The following CHIC1 variants were observed in gnomAD, a reference collection of about 807,000 sequenced individuals.
CHIC1 encodes cysteine rich hydrophobic domain 1.
Under a neutral mutation model 18.5 loss-of-function variants are expected in CHIC1, and 7 were observed. The ratio of observed to expected loss-of-function variants is 0.38; its 90% CI spans 0.22 to 0.71. The LOEUF (loss-of-function observed/expected upper bound fraction) is 0.71. Ranked by LOEUF, CHIC1 falls within the 30% of genes least tolerant of loss-of-function variation. The probability of loss-of-function intolerance (pLI) is 0.49; values close to 1 mark genes in which losing one functional copy is unlikely to be tolerated. For synonymous variants in CHIC1, 77 were observed against 73.5 expected (o/e 1.05, Z -0.25); for missense variants, 159 against 176.9 (o/e 0.90, Z 0.57).
intron 3 of CHIC1, among the ~76,000 whole-genome samples, chrX:73,613,266 C>T (rs1417366092): frequency 2.7e-5 from 3 of 111,499 alleles, no homozygotes; most frequent in Admixed American, 9.5e-5. Flanking sequence ...TCCTCCAAAT[C>T]TCATGTTGAA....
chrX:73,644,759 G>T (rs2057879471), intron 3 of CHIC1, among the ~76,000 whole-genome samples: 1 of 111,428 alleles, frequency 9.0e-6, no homozygotes, highest in East Asian at 2.8e-4. Flanking sequence ...GGGTGGGAGT[G>T]ACCCAATTTT....
intron 3 of CHIC1, among the ~76,000 whole-genome samples, chrX:73,673,072 T>C (rs2058040685): frequency 8.9e-6 from 1 of 111,862 alleles, no homozygotes; most frequent in Non-Finnish European, 1.9e-5. Flanking sequence ...ATGTGCGGCA[T>C]TATTTCTGAG....
chrX:73,682,126 G>C lies in CHIC1; in HGVS notation c.*1121G>C, dbSNP rs1414866499. ...CTATTTGAGAAGCTGTAGCTAAAGA[G>C]TATATAGCAGCTGATTCATAATTGA... On this transcript the variant is annotated 3_prime_UTR_variant, in exon 6 of 6. Transcript: ENST00000373502. 9.0e-6 allele frequency: 1 copy of C among 111,340 alleles called. No homozygotes were observed. The highest frequency in any genetic ancestry group is 2.8e-4 in the East Asian group (1 of 3,552). 9.2% of individuals were successfully genotyped at this position (111,340 alleles called of 1,213,427 possible). A position where few individuals can be genotyped will look rare whatever the true frequency, so the allele number is the denominator to read the frequency against.
intron 3 of CHIC1, among the ~76,000 whole-genome samples, chrX:73,603,805 A>C (rs758363094): frequency 6.4e-5 from 7 of 108,798 alleles, no homozygotes; most frequent in African/African-American, 2.5e-4. Flanking sequence ...GATTACATTT[A>C]TTGATTTGTG....
intron 3 of CHIC1, among the ~76,000 whole-genome samples, chrX:73,590,269 T>C (rs2057575152): frequency 9.0e-6 from 1 of 110,984 alleles, no homozygotes; most frequent in Non-Finnish European, 1.9e-5. Context: ...GGAATGTCTT[T>C]ATTTTGTCTT....
chrX:73,671,858 G>A (rs912080645), intron 3 of CHIC1, among the ~76,000 whole-genome samples: 1 of 109,319 alleles, frequency 9.1e-6, no homozygotes, highest in African/African-American at 3.3e-5. Flanking sequence ...CCATGTTGGT[G>A]TGCTGCACCC....
At chrX:73,672,455 A>G (rs1217190201) in intron 3 of CHIC1, among the ~76,000 whole-genome samples, 2 of 111,564 alleles carry the variant, frequency 1.8e-5, no homozygotes, top group Non-Finnish European at 3.8e-5. Flanking sequence ...TTTAATGATC[A>G]CCATTCTAAC....
At chrX:73,566,735 G>A (rs922025170) in intron 1 of CHIC1, among the ~76,000 whole-genome samples, 7 of 111,312 alleles carry the variant, frequency 6.3e-5, no homozygotes, top group African/African-American at 2.3e-4. Context: ...TAATATCACT[G>A]TGACCCTCTT....
chrX:73,649,642 A>G (rs777090108), intron 3 of CHIC1, among the ~76,000 whole-genome samples: 3 of 112,346 alleles, frequency 2.7e-5, no homozygotes, highest in East Asian at 2.8e-4. Flanking sequence ...AGAGCTAACT[A>G]TCCTAAACAT....
intron 1 of CHIC1, among the ~76,000 whole-genome samples, chrX:73,573,740 G>A (rs905028270): frequency 9.0e-6 from 1 of 110,937 alleles, no homozygotes; most frequent in Non-Finnish European, 1.9e-5. Flanking sequence ...AACGTTATTG[G>A]TGTATAGAAA....
intron 3 of CHIC1, among the ~76,000 whole-genome samples, chrX:73,642,376 T>A (rs1055321334): frequency 1.8e-5 from 2 of 111,861 alleles, no homozygotes; most frequent in African/African-American, 6.5e-5. Context: ...GTTTGTTTTT[T>A]TCTTGTAAAT....
chrX:73,610,004 A>G (rs1286102660), intron 3 of CHIC1, among the ~76,000 whole-genome samples: 4 of 108,033 alleles, frequency 3.7e-5, no homozygotes, highest in Admixed American at 9.7e-5. Context: ...CTGCATGTTT[A>G]TACCTATTAA....
intron 3 of CHIC1, among the ~76,000 whole-genome samples, chrX:73,597,606 C>T (rs7891528): frequency 0.05 from 5,177 of 102,944 alleles, 361 homozygotes; most frequent in African/African-American, 0.17. Flanking sequence ...TATATATATA[C>T]ACACACACAC....
intron 3 of CHIC1, among the ~76,000 whole-genome samples, chrX:73,669,538 C>G (rs1036443824): frequency 2.0e-5 from 2 of 101,415 alleles, no homozygotes; most frequent in Non-Finnish European, 4.0e-5. Flanking sequence ...AGGGAGAGAT[C>G]AGAGCTCTAT....
intron 3 of CHIC1, among the ~76,000 whole-genome samples, chrX:73,617,882 T>C (rs896029472): frequency 5.4e-5 from 6 of 111,813 alleles, no homozygotes; most frequent in African/African-American, 2.0e-4. Context: ...CAGAATTGTT[T>C]TTCTGGTTCT....
chrX:73,614,227 A>T (rs766024739), intron 3 of CHIC1, among the ~76,000 whole-genome samples: 2 of 111,621 alleles, frequency 1.8e-5, no homozygotes, highest in African/African-American at 6.5e-5. Flanking sequence ...GTTTCTGCTG[A>T]GAAATCTAGT....
intron 3 of CHIC1, among the ~76,000 whole-genome samples, chrX:73,601,999 C>T (rs1357688323): frequency 3.9e-5 from 4 of 103,883 alleles, no homozygotes; most frequent in Non-Finnish European, 7.7e-5. Context: ...ACACCCCCTG[C>T]CCCCAAGACT....
chrX:73,564,462 A>G (rs2147532741), intron 1 of CHIC1, among the ~76,000 whole-genome samples: 1 of 111,815 alleles, frequency 8.9e-6, no homozygotes, highest in Admixed American at 9.5e-5. Flanking sequence ...GAAAAATTGA[A>G]TATTTCAGAA....
intron 3 of CHIC1, among the ~76,000 whole-genome samples, chrX:73,656,704 C>T (rs1054146822): frequency 8.9e-6 from 1 of 111,970 alleles, no homozygotes; most frequent in African/African-American, 3.3e-5. Flanking sequence ...ATTACTGTAG[C>T]CTTGTAGTAT....
Sources: gnomAD v4.1 joint callset for allele counts (sites outside exome capture counted in the v4.1 genomes callset) on GRCh38, gnomAD v4.1.1 for gene constraint, MANE v1.5 for transcripts, NCBI Gene and HGNC (gene_info 2026-07-23, HGNC 2026-07-21) for gene names.